DCAF8: variants seen among roughly 807,000 people sequenced by gnomAD.
The protein encoded by DCAF8 is DDB1- and CUL4-associated factor 8.
Under a neutral mutation model 68.0 loss-of-function variants are expected in DCAF8, and 20 were observed. That is an observed-to-expected ratio of 0.29 (90% CI 0.21 to 0.43). The LOEUF (loss-of-function observed/expected upper bound fraction) is 0.43, where lower values mean the gene tolerates loss of function less well. Among genes scored for constraint, DCAF8 ranks in the 20% least tolerant of loss-of-function variants. DCAF8 has a pLI of 1.00. For synonymous variants in DCAF8, 230 were observed against 276.9 expected (o/e 0.83, Z 1.68); for missense variants, 460 against 771.0 (o/e 0.60, Z 4.78).
chr1:160,249,556 G>C (rs1656495143), intron 2 of DCAF8, among the ~76,000 whole-genome samples: 1 of 152,202 alleles, frequency 6.6e-6, no homozygotes, highest in Non-Finnish European at 1.5e-5. Context: ...AATTTGGGAG[G>C]CTGAGGCAGG....
chr1:160,238,886 C>T, intron 4 of DCAF8, 139 bp from the exon 5 acceptor site: 1 of 1,028,314 alleles, frequency 9.7e-7, no homozygotes, highest in Non-Finnish European at 1.4e-6. Context: ...TACTCTTGTA[C>T]AGCTGGCTAA....
intron 12 of DCAF8, among the ~76,000 whole-genome samples, 167 bp downstream of exon 12, chr1:160,218,682 C>T (rs1452029960): frequency 2.0e-5 from 3 of 152,176 alleles, no homozygotes; most frequent in African/African-American, 7.2e-5. Flanking sequence ...CACAGCTGCC[C>T]CCTGGAGCAG....
chr1:160,259,524 T>A (rs1019370164), intron 2 of DCAF8, among the ~76,000 whole-genome samples: 3 of 124,142 alleles, frequency 2.4e-5, no homozygotes, highest in Non-Finnish European at 4.9e-5. Context: ...AGAGCAAGAC[T>A]CGTCAAAAAA....
chr1:160,234,995 C>T (rs114332728), intron 6 of DCAF8, among the ~76,000 whole-genome samples: 2,134 of 152,266 alleles, frequency 0.014, 58 homozygotes, highest in African/African-American at 0.05. Flanking sequence ...GGACTTAGCT[C>T]TCCAAAAATA....
At chr1:160,224,388 G>A in intron 10 of DCAF8, 54 bp downstream of exon 10, 1 of 1,325,750 alleles carries the variant, frequency 7.5e-7, no homozygotes, top group Non-Finnish European at 1.1e-6. Flanking sequence ...AAGACACTGT[G>A]GTTCTCCAAA....
chr1:160,218,147 C>T (rs1571076399), intron 13 of DCAF8, 177 bp downstream of exon 13: 1 of 662,852 alleles, frequency 1.5e-6, no homozygotes, highest in Non-Finnish European at 2.7e-6. Context: ...GTAGATACCA[C>T]CCTTTTCTGC....
intron 2 of DCAF8, among the ~76,000 whole-genome samples, chr1:160,253,355 G>C (rs1656678350): frequency 6.6e-6 from 1 of 151,818 alleles, no homozygotes. Flanking sequence ...TTAAAAATTA[G>C]GCTGCGCACA....
At position 160,245,274 on chromosome 1, in the gene DCAF8, GAAT is replaced by G. The variant is rs891069744; in HGVS notation, c.-26-1243_-26-1241del. 3.8e-4 allele frequency among the ~76,000 whole-genome samples: 58 copies of G among 152,194 alleles called. 1 individual carries two copies. The highest frequency in any genetic ancestry group is 1.3e-3 in the African/African-American group (54 of 41,528). ...CCTCCAGTAAATTCCAAAGAGCAAA[GAAT>G]AATATTATTCAGACCAGAATTTTAT... is the stretch of plus-strand genomic sequence containing the variant. On this transcript the variant is annotated intron_variant, in intron 2 of 13. Transcript: ENST00000368074.
chr1:160,239,406 G>A, intron 4 of DCAF8: 1 of 1,415,446 alleles, frequency 7.1e-7, no homozygotes, highest in Non-Finnish European at 9.2e-7. Flanking sequence ...TTGAACTCAG[G>A]CAGTTTGGTT....
rs377530193 is a variant in DCAF8, at chr1:160,217,099, T to TG, written c.*492dup. 4.3e-3 allele frequency: 575 copies of TG among 133,784 alleles called. 2 individuals carry two copies. The highest frequency in any genetic ancestry group is 6.0e-3 in the African/African-American group (224 of 37,310). 8.3% of individuals were successfully genotyped at this position (133,784 alleles called of 1,614,324 possible). ...GATTCTGGGATGGGGTTGCTGGGGG[T>TG]GGGGGGGGAGCCAACTGTCATAAAC... is the stretch of plus-strand genomic sequence containing the variant. On this transcript the variant is annotated 3_prime_UTR_variant, in exon 14 of 14. Coordinates refer to ENST00000368074, the MANE Select transcript of DCAF8 (RefSeq NM_015726.4).
Position 160,239,774 on chromosome 1 carries a change from T to G in DCAF8, c.646A>C (p.Lys216Gln), listed in dbSNP as rs1656031044. 4 of 1,614,100 alleles carry G rather than the reference T, an allele frequency of 2.5e-6. No homozygotes were observed. Among genetic ancestry groups the G allele is most frequent in the Non-Finnish European group, 3.4e-6 (4 of 1,180,044 alleles). ...CGTACCCAATCCCACACCACCACCT[T>G]CAGGTCATCGCTGCCACTGGCCAGC... ...TWLASGSDDL[K>Q]VVVWDWVRRQ... is the part of the protein sequence containing the mutation. The change falls in exon 4 of 14, where the codon AAG (lysine) becomes CAG (glutamine). Residue 216 changes from lysine to glutamine, a missense_variant. Transcript: ENST00000368074.
At chr1:160,229,622 G>A (rs772068022) in intron 7 of DCAF8, among the ~76,000 whole-genome samples, 55 of 152,176 alleles carry the variant, frequency 3.6e-4, no homozygotes, top group Admixed American at 6.5e-4. Context: ...GCTCTAAGTA[G>A]GAACTCTCAA....
chr1:160,239,295 A>C, intron 4 of DCAF8: 2 of 1,140,374 alleles, frequency 1.8e-6, no homozygotes, highest in Non-Finnish European at 1.1e-6. Context: ...CTTAATCCTC[A>C]TAACCCTATG....
intron 3 of DCAF8, 40 bp from the exon 4 acceptor site, chr1:160,240,410 TAAG>T (rs1164857784): frequency 1.3e-6 from 2 of 1,535,110 alleles, no homozygotes; most frequent in Non-Finnish European, 1.8e-6. Context: ...GAGGGAAAAA[TAAG>T]AAAACAGGAT....
At chr1:160,236,900 A>G (rs1655916849) in intron 6 of DCAF8, among the ~76,000 whole-genome samples, 1 of 152,258 alleles carries the variant, frequency 6.6e-6, no homozygotes, top group Non-Finnish European at 1.5e-5. Context: ...AGATCATCAA[A>G]TTATTAAAGG....
intron 2 of DCAF8, among the ~76,000 whole-genome samples, chr1:160,244,763 G>A (rs1328635343): frequency 1.3e-5 from 2 of 151,832 alleles, no homozygotes; most frequent in Admixed American, 6.6e-5. Flanking sequence ...GACTACAGGC[G>A]CCTGCCACCA....
intron 8 of DCAF8, 84 bp from the exon 9 acceptor site, chr1:160,225,203 C>T: frequency 8.0e-7 from 1 of 1,257,800 alleles, no homozygotes; most frequent in Admixed American, 2.0e-5. Context: ...CCTTCAAACT[C>T]CCCTATATCT....
intron 2 of DCAF8, among the ~76,000 whole-genome samples, chr1:160,253,403 T>C (rs1656681676): frequency 6.6e-6 from 1 of 152,002 alleles, no homozygotes; most frequent in Non-Finnish European, 1.5e-5. Flanking sequence ...ATCCCAGCAC[T>C]TTGGGAGGCT....
At chr1:160,256,495 C>T (rs1656840388) in intron 2 of DCAF8, among the ~76,000 whole-genome samples, 1 of 151,944 alleles carries the variant, frequency 6.6e-6, no homozygotes, top group South Asian at 2.1e-4. Context: ...CATTAAAGTA[C>T]ACCAGAGGAA....
Sources: allele counts gnomAD v4.1 joint callset (sites outside exome capture counted in the v4.1 genomes callset), GRCh38; gene constraint gnomAD v4.1.1; transcripts MANE v1.5; gene names NCBI Gene and HGNC (gene_info 2026-07-23, HGNC 2026-07-21).